Variants in PHLDB1 observed in about 807,000 individuals in gnomAD.
PHLDB1 encodes pleckstrin homology-like domain family B member 1.
A neutral mutation model predicts 139.3 loss-of-function variants in PHLDB1; 65 were observed. The observed-to-expected ratio is 0.47, with a 90% CI of 0.38 to 0.57. The LOEUF is 0.57. Ranked by LOEUF, PHLDB1 falls within the 20% of genes least tolerant of loss-of-function variation. The pLI is 0.00. For synonymous variants in PHLDB1, 679 were observed against 734.5 expected (o/e 0.92, Z 1.22); for missense variants, 1,624 against 1,839.7 (o/e 0.88, Z 2.14).
At chr11:118,614,343 T>C (rs1485792516) in intron 2 of PHLDB1, among the ~76,000 whole-genome samples, 1 of 145,958 alleles carries the variant, frequency 6.9e-6, no homozygotes, top group African/African-American at 2.6e-5. Flanking sequence ...AGCCAAGACT[T>C]GCGATAAATC....
Position 118,644,194 on chromosome 11 carries a change from GC to G in PHLDB1, c.3121+23del. The G allele has an allele frequency of 6.4e-7, 1 of 1,561,198 alleles. No individual in the cohort carries two copies. The highest frequency in any genetic ancestry group is 8.8e-7 in the Non-Finnish European group (1 of 1,139,362). ...AGAAGGGTGAGTGACTGCCCCGCCA[GC>G]CCACCTGCTCTCCTGAGGGGACCCT... On this transcript the variant is annotated intron_variant, in intron 15 of 22. Transcript: ENST00000600882.
At chr11:118,628,769 C>T in intron 6 of PHLDB1, 119 bp downstream of exon 6, 1 of 873,614 alleles carries the variant, frequency 1.1e-6, no homozygotes, top group South Asian at 1.8e-5. Flanking sequence ...CTCAAGGTTC[C>T]CCACCTCCAG....
Position 118,627,438 on chromosome 11 carries a change from G to A in PHLDB1, c.615G>A (p.Val205=). 1.2e-6 allele frequency: 2 copies of A among 1,614,208 alleles called. No individual in the cohort carries two copies. Among genetic ancestry groups the A allele is most frequent in the South Asian group, 1.1e-5 (1 of 91,080 alleles). The stretch of plus-strand genomic sequence containing the variant: ...TGCAAGAGATCATGGACTCACTGGT[G>A]CTAGAGGAGCCTGGAGCTGCTGGCA... ...KDLQEIMDSL[V]LEEPGAAGKK... The change falls in exon 6 of 23, where the codon GTG becomes GTA. Residue 205 remains valine (V), a synonymous_variant. Transcript: ENST00000600882.
chr11:118,641,496 G>C (rs1946509283), intron 12 of PHLDB1: 1 of 491,210 alleles, frequency 2.0e-6, no homozygotes, highest in African/African-American at 2.1e-5. Context: ...GGCTTTCCTA[G>C]GCTGCAGGCT....
intron 10 of PHLDB1, among the ~76,000 whole-genome samples, chr11:118,636,209 T>A (rs975145476): frequency 6.6e-5 from 10 of 152,256 alleles, no homozygotes; most frequent in African/African-American, 2.4e-4. Context: ...TTGGAGAGGA[T>A]GGCTCAAGCA....
chr11:118,640,655 G>C (rs1946362042), intron 12 of PHLDB1: 1 of 153,252 alleles, frequency 6.5e-6, no homozygotes, highest in African/African-American at 2.4e-5. Flanking sequence ...GGGGTGTGAG[G>C]GGACCCTGGG....
chr11:118,647,993 G>C lies in PHLDB1; in HGVS notation c.3571G>C (p.Glu1191Gln), dbSNP rs1947788331. ...EEERRRREQV[E>Q]RRLQSESARR... ...GGAGCGGCGGAGGCGTGAGCAGGTAGAACGGAGGCTGCAGAGTGAGAGTGC... is the reference window on the plus strand; with the variant it reads ...GGAGCGGCGGAGGCGTGAGCAGGTACAACGGAGGCTGCAGAGTGAGAGTGC... The change falls in exon 18 of 23, where the codon GAA (glutamate) becomes CAA (glutamine). Residue 1191 changes from glutamate (E) to glutamine (Q), a missense_variant. Coordinates refer to ENST00000600882, the MANE Select transcript of PHLDB1 (RefSeq NM_001144758.3). 1.2e-6 allele frequency: 2 copies of C among 1,607,634 alleles called. No individual in the cohort carries two copies. Among genetic ancestry groups the C allele is most frequent in the East Asian group, 4.5e-5 (2 of 44,528 alleles).
At chr11:118,623,913 TGTGTGA>T (rs35082977) in intron 4 of PHLDB1, among the ~76,000 whole-genome samples, 49 of 120,164 alleles carry the variant, frequency 4.1e-4, no homozygotes, top group African/African-American at 9.5e-4. Flanking sequence ...TGTGTGTGTG[TGTGTGA>T]GACGGAGTTT....
At position 118,628,056 on chromosome 11, in the gene PHLDB1, C is replaced by A; in HGVS notation, c.1233C>A (p.Gly411=). Residue 411 remains glycine (G), a synonymous_variant, in exon 6 of 23, where the codon GGC becomes GGA. Transcript: ENST00000600882. ...RPPSPFREPP[G]SERVLTTSPS... ...CCAGCCCTTTCCGTGAGCCTCCAGG[C>A]AGTGAGCGGGTGCTAACAACCAGCC... The A allele has an allele frequency of 6.2e-7, 1 of 1,614,050 alleles. No individual in the cohort carries two copies. The highest frequency in any genetic ancestry group is 1.1e-5 in the South Asian group (1 of 91,084).
intron 5 of PHLDB1, 48 bp from the exon 6 acceptor site, chr11:118,627,257 A>G: frequency 1.9e-6 from 3 of 1,592,898 alleles, no homozygotes; most frequent in South Asian, 2.2e-5. Flanking sequence ...TCTGGCTTTT[A>G]TGCATATGCA....
At position 118,655,633 on chromosome 11, in the gene PHLDB1, C is replaced by T. The variant is rs147860570; in HGVS notation, c.3903C>T (p.Val1301=). The T allele has an allele frequency of 1.4e-4, 232 of 1,613,212 alleles. No individual in the cohort carries two copies. The African/African-American group carries it at 2.5e-3, about 17-fold the overall frequency. Reference sequence around the variant, plus strand: ...AGCATGAGACGAAGCTGAAGGGAGTCATCTATTTCCAGGCCATTGAGGAAG... The same window carrying T: ...AGCATGAGACGAAGCTGAAGGGAGTTATCTATTTCCAGGCCATTGAGGAAG... ...VDKHETKLKG[V]IYFQAIEEVY... The change falls in exon 21 of 23, where the codon GTC becomes GTT. Residue 1301 remains valine, a synonymous_variant. Transcript: ENST00000600882.
In PHLDB1 at chr11:118,614,640, G is replaced by A. The variant is rs781973478; in HGVS notation, c.142G>A (p.Gly48Arg). Reference protein sequence around the residue: ...DKPHLVSLGSGRLSTAITLLP... With the variant: ...DKPHLVSLGSRRLSTAITLLP... Reference sequence around the variant, plus strand: ...ACCCCACCTGGTGAGCCTGGGCAGTGGGCGACTCAGCACAGCCATCACCCT... The same window carrying A: ...ACCCCACCTGGTGAGCCTGGGCAGTAGGCGACTCAGCACAGCCATCACCCT... The change falls in exon 3 of 23, where the codon GGG becomes AGG. Residue 48 changes from glycine (G) to arginine (R), a missense_variant. Physicochemically the swap from Gly to Arg is moderately radical, Grantham distance 125. Transcript: ENST00000600882. The A allele has an allele frequency of 3.7e-6, 6 of 1,613,952 alleles. No homozygotes were observed. The South Asian group carries it at 6.6e-5, about 18-fold the overall frequency.
At position 118,620,953 on chromosome 11, in the gene PHLDB1, G is replaced by A. The variant is rs1349966796; in HGVS notation, c.356-3981G>A. 6.6e-6 allele frequency among the ~76,000 whole-genome samples: 1 copy of A among 152,134 alleles called. No homozygotes were observed. The highest frequency in any genetic ancestry group is 1.5e-5 in the Non-Finnish European group (1 of 68,034). ...TCTCTCTCTCAGATATGGACCCATG[G>A]AATGTCAGAGTTGACTTTCTGTAGA... On this transcript the variant is annotated intron_variant, in intron 4 of 22. Transcript: ENST00000600882. This position sits in a 1 kb window ranked among gnomAD's most constrained non-coding sequence, Gnocchi z 4.1.
At chr11:118,655,368 T>G in intron 20 of PHLDB1, 1 of 405,418 alleles carries the variant, frequency 2.5e-6, no homozygotes, top group Non-Finnish European at 4.5e-6. Context: ...GTCATTGGGG[T>G]AGGTGAGAAG....
rs78396166 is a variant in PHLDB1 at position 118,650,498 on chromosome 11, G to A, written c.3825G>A (p.Lys1275=). 2,387 of 1,614,162 alleles carry A rather than the reference G, an allele frequency of 1.5e-3. 26 individuals carry two copies. The African/African-American group carries it at 0.028, about 19-fold the overall frequency. Residue 1275 remains lysine, a synonymous_variant, in exon 20 of 23, where the codon AAG becomes AAA. Coordinates refer to ENST00000600882, the MANE Select transcript of PHLDB1 (RefSeq NM_001144758.3). The surrounding 1 kb of genome is among the most constrained non-coding windows in gnomAD (Gnocchi z 4.7). ...KMGGKIKSWK[K]RWFVFDRLKR... The stretch of plus-strand genomic sequence containing the variant: ...GCGGCAAGATTAAATCATGGAAGAA[G>A]CGCTGGTTTGTCTTCGACCGGCTCA...
intron 5 of PHLDB1, 46 bp from the exon 6 acceptor site, chr11:118,627,259 G>T: frequency 6.3e-7 from 1 of 1,596,952 alleles, no homozygotes. Flanking sequence ...TGGCTTTTAT[G>T]CATATGCAGC....
intron 15 of PHLDB1, chr11:118,644,581 G>A: frequency 9.4e-7 from 1 of 1,060,010 alleles, no homozygotes; most frequent in Non-Finnish European, 1.2e-6. Flanking sequence ...CCATGTCTGT[G>A]CCTCTCTCTC....
Position 118,632,559 on chromosome 11 carries a change from C to G in PHLDB1, c.2379+263C>G. On this transcript the variant is annotated intron_variant, in intron 9 of 22. Coordinates refer to ENST00000600882, the MANE Select transcript of PHLDB1 (RefSeq NM_001144758.3). This position sits in a 1 kb window ranked among gnomAD's most constrained non-coding sequence, Gnocchi z 5.9. Reference sequence around the variant, plus strand: ...CCTCTGGGTGCCTGCCATCCTAGGCCCTTTATGGCCCTTCTAGGAAGTGCC... The same window carrying G: ...CCTCTGGGTGCCTGCCATCCTAGGCGCTTTATGGCCCTTCTAGGAAGTGCC... 2.0e-6 allele frequency: 1 copy of G among 508,008 alleles called. No individual in the cohort carries two copies. The highest frequency in any genetic ancestry group is 3.5e-6 in the Non-Finnish European group (1 of 283,862). 31.5% of individuals were successfully genotyped at this position (508,008 alleles called of 1,614,324 possible).
At position 118,616,603 on chromosome 11, in the gene PHLDB1, AGAG is replaced by A. The variant is rs549103934; in HGVS notation, c.355+398_355+400del. Among the ~76,000 whole-genome samples the A allele has an allele frequency of 2.0e-4, 30 of 152,342 alleles. No homozygotes were observed. The South Asian group carries it at 6.0e-3, about 30-fold the overall frequency. ...AGAGGAAGTTGTTTTGAGAAGCTGG[AGAG>A]GAGGACAATACTTCCTGATGGGGAT... On this transcript the variant is annotated intron_variant, in intron 4 of 22. Transcript: ENST00000600882.
Sources: allele counts gnomAD v4.1 joint callset (sites outside exome capture counted in the v4.1 genomes callset), GRCh38; gene constraint gnomAD v4.1.1; non-coding constraint Gnocchi (gnomAD v3.1); transcripts MANE v1.5; gene names NCBI Gene and HGNC (gene_info 2026-07-23, HGNC 2026-07-21).